Variants in BSN observed in about 807,000 individuals in gnomAD.
BSN encodes the protein bassoon presynaptic cytomatrix protein.
BSN carries 57 observed loss-of-function variants against 264.8 expected under a neutral mutation model. That is an observed-to-expected ratio of 0.22 (90% CI 0.17 to 0.27). BSN has a LOEUF of 0.27. Among genes scored for constraint, BSN ranks in the 10% least tolerant of loss-of-function variants. The pLI is 1.00. For missense variants in BSN, 4,615 were observed against 5,232.5 expected (o/e 0.88, Z 3.64); for synonymous variants, 2,059 against 2,137.3 (o/e 0.96, Z 1.01).
intron 5 of BSN, among the ~76,000 whole-genome samples, chr3:49,659,427 C>T (rs768458960): frequency 6.6e-6 from 1 of 151,976 alleles, no homozygotes; most frequent in Admixed American, 6.6e-5. Context: ...AAAGGCCCAC[C>T]CTGAAATTTT....
At chr3:49,570,953 G>A (rs1472110087) in intron 1 of BSN, among the ~76,000 whole-genome samples, 1 of 152,194 alleles carries the variant, frequency 6.6e-6, no homozygotes, top group Non-Finnish European at 1.5e-5. Flanking sequence ...GAAATGGAGT[G>A]GAAGTGACCC....
At chr3:49,578,254 G>A (rs1303488060) in intron 1 of BSN, among the ~76,000 whole-genome samples, 1 of 152,126 alleles carries the variant, frequency 6.6e-6, no homozygotes, top group Non-Finnish European at 1.5e-5. Context: ...AGCCTCCCAA[G>A]TAACTGGGAT....
chr3:49,646,694 C>T (rs373026561), intron 3 of BSN, among the ~76,000 whole-genome samples: 11 of 152,340 alleles, frequency 7.2e-5, no homozygotes, highest in East Asian at 1.9e-4. Context: ...AGAAAGGAAG[C>T]GTCCCCATGA....
intron 1 of BSN, among the ~76,000 whole-genome samples, chr3:49,569,373 C>T (rs773945580): frequency 4.6e-5 from 7 of 152,126 alleles, no homozygotes; most frequent in Non-Finnish European, 1.0e-4. Flanking sequence ...TTCAATTAAA[C>T]AAATATTTAC....
rs764599714 is a variant in BSN, at chr3:49,656,915, G to A, written c.7359G>A (p.Glu2453=). ...EQLAQQRLQL[E]QIQQLQQQLQ... ...TAGCGCAGCAGCGTCTGCAGCTGGA[G>A]CAGATCCAGCAGCTGCAGCAGCAGC... Residue 2453 remains glutamate (E), a synonymous_variant, in exon 5 of 12, where the codon GAG becomes GAA. Transcript: ENST00000296452. The A allele has an allele frequency of 1.1e-5, 18 of 1,598,082 alleles. No individual in the cohort carries two copies. The highest frequency in any genetic ancestry group is 1.0e-5 in the Non-Finnish European group (12 of 1,171,536).
At chr3:49,606,240 T>TATTAAAA (rs1287626014) in intron 1 of BSN, among the ~76,000 whole-genome samples, 5 of 60,140 alleles carry the variant, frequency 8.3e-5, no homozygotes, top group African/African-American at 2.8e-4. Context: ...ATATTATATA[T>TATTAAAA]GTATATATTA....
Position 49,585,547 on chromosome 3 carries a change from C to T in BSN, c.224+30721C>T, listed in dbSNP as rs1370580557. On this transcript the variant is annotated intron_variant, in intron 1 of 11. Transcript: ENST00000296452. This position sits in a 1 kb window ranked among gnomAD's most constrained non-coding sequence, Gnocchi z 4.7. The stretch of plus-strand genomic sequence containing the variant: ...TGCACTGGCCACACATCCTTGCCTC[C>T]TCCACCCGGTCCGCCGCCGGTTTCC... Among the ~76,000 whole-genome samples, 3 of 152,360 alleles carry T rather than the reference C, an allele frequency of 2.0e-5. No homozygotes were observed. In the East Asian group the frequency reaches 5.8e-4, roughly 29 times the overall value.
In BSN at chr3:49,642,074, G is replaced by C. The variant is rs573323775; in HGVS notation, c.634-194G>C. Among the ~76,000 whole-genome samples the C allele has an allele frequency of 1.3e-5, 2 of 152,258 alleles. No homozygotes were observed. Among genetic ancestry groups the C allele is most frequent in the East Asian group, 3.9e-4 (2 of 5,176 alleles). On this transcript the variant is annotated intron_variant, in intron 2 of 11. Transcript: ENST00000296452. The surrounding 1 kb of genome is among the most constrained non-coding windows in gnomAD (Gnocchi z 7.0). ...CTGCCTCCACTGCCTCACATGCCTG[G>C]CAACTCCTAGAGGGCAGGGGAGTGC...
At position 49,655,893 on chromosome 3, in the gene BSN, G is replaced by A; in HGVS notation, c.6337G>A (p.Gly2113Arg). The stretch of plus-strand genomic sequence containing the variant: ...CCTCAACTCCATGGACCAGTATGGT[G>A]GGCGGCATGGCAGTGGTGGTGGTGG... ...AALNSMDQYGGRHGSGGGGPD... is the reference protein window; with the variant it reads ...AALNSMDQYGRRHGSGGGGPD... Residue 2113 changes from glycine (G) to arginine (R), a missense_variant, in exon 5 of 12, where the codon GGG becomes AGG. Physicochemically the swap from Gly to Arg is moderately radical, Grantham distance 125 (BLOSUM62 -2). This residue lies in a region of BSN where 3,415 missense variants were observed against 3,866.4 expected (regional missense o/e 0.88). Transcript: ENST00000296452. 6.2e-7 allele frequency: 1 copy of A among 1,612,666 alleles called. No homozygotes were observed.
intron 1 of BSN, among the ~76,000 whole-genome samples, chr3:49,580,720 A>C (rs2051890046): frequency 6.6e-6 from 1 of 152,070 alleles, no homozygotes; most frequent in Non-Finnish European, 1.5e-5. Context: ...CTGCCTCCCA[A>C]AGTGCTGGGA....
intron 1 of BSN, among the ~76,000 whole-genome samples, chr3:49,579,406 ATT>A (rs746381369): frequency 2.1e-5 from 3 of 142,530 alleles, no homozygotes; most frequent in Non-Finnish European, 4.6e-5. Context: ...GCGCTTTACA[ATT>A]TTTTTTTTTT....
At chr3:49,575,451 T>C (rs2051837175) in intron 1 of BSN, among the ~76,000 whole-genome samples, 1 of 147,912 alleles carries the variant, frequency 6.8e-6, no homozygotes, top group Admixed American at 6.8e-5. Context: ...TATATGTGTG[T>C]ATATATGTAA....
rs1410110650 is a variant in BSN, at chr3:49,652,481, C to T, written c.2925C>T (p.Ser975=). The T allele has an allele frequency of 6.2e-7, 1 of 1,613,772 alleles. No homozygotes were observed. Among genetic ancestry groups the T allele is most frequent in the Middle Eastern group, 1.6e-4 (1 of 6,062 alleles). The change falls in exon 5 of 12, where the codon TCC becomes TCT. Residue 975 remains serine, a synonymous_variant. Transcript: ENST00000296452. ...TAACGGGCTCCCCTGAGGACCGCTC[C>T]CGTGGTGAGCACTCCTCTACATTGC... ...ESLTGSPEDR[S]RGEHSSTLPA... is the part of the protein sequence containing the mutation.
At position 49,655,789 on chromosome 3, in the gene BSN, A is replaced by G; in HGVS notation, c.6233A>G (p.Asp2078Gly). The change falls in exon 5 of 12, where the codon GAT becomes GGT. Residue 2078 changes from aspartate (D) to glycine (G), a missense_variant. Physicochemically the swap from Asp to Gly is moderately conservative, Grantham distance 94. This residue lies in a region of BSN where 3,415 missense variants were observed against 3,866.4 expected (regional missense o/e 0.88). Transcript: ENST00000296452. ...YSDHRYGPRG[D>G]AVGFQEASLA... Reference sequence around the variant, plus strand: ...GACCACAGGTACGGCCCACGGGGAGATGCAGTTGGCTTCCAGGAGGCCAGC... The same window carrying G: ...GACCACAGGTACGGCCCACGGGGAGGTGCAGTTGGCTTCCAGGAGGCCAGC... 6.2e-7 allele frequency: 1 copy of G among 1,613,400 alleles called. No individual in the cohort carries two copies.
At chr3:49,600,269 G>A (rs917554280) in intron 1 of BSN, among the ~76,000 whole-genome samples, 2 of 152,142 alleles carry the variant, frequency 1.3e-5, no homozygotes, top group Non-Finnish European at 2.9e-5. Flanking sequence ...GCAGAGGAAT[G>A]GGGGAGTGTT....
chr3:49,596,220 C>T (rs141187655), intron 1 of BSN, among the ~76,000 whole-genome samples: 14 of 152,098 alleles, frequency 9.2e-5, no homozygotes, highest in East Asian at 1.9e-4. Flanking sequence ...CTGGCTAACA[C>T]GGTGAAACCC....
rs2052548107 is a variant in BSN at position 49,652,190 on chromosome 3, CCCCAGA to C, written c.2640_2645del (p.Arg882_Pro883del). ...CCAAACATGGCACCCAGAAAGGTGGCCCCAGACCCAGGCCTGAGCCTAGCCAAGAAC... is the reference window on the plus strand; with the variant it reads ...CCAAACATGGCACCCAGAAAGGTGGCCCCAGGCCTGAGCCTAGCCAAGAAC... On this transcript the variant is annotated inframe_deletion, in exon 5 of 12. Coordinates refer to ENST00000296452, the MANE Select transcript of BSN (RefSeq NM_003458.4). The C allele has an allele frequency of 6.2e-7, 1 of 1,613,676 alleles. No individual in the cohort carries two copies. The highest frequency in any genetic ancestry group is 8.5e-7 in the Non-Finnish European group (1 of 1,179,896).
Position 49,656,089 on chromosome 3 carries a change from G to A in BSN, c.6533G>A (p.Arg2178Lys), listed in dbSNP as rs1445376543. 1 of 1,611,808 alleles carries A rather than the reference G, an allele frequency of 6.2e-7. No individual in the cohort carries two copies. The highest frequency in any genetic ancestry group is 2.2e-5 in the East Asian group (1 of 44,880). The change falls in exon 5 of 12, where the codon AGA becomes AAA. Residue 2178 changes from arginine (R) to lysine (K), a missense_variant. Coordinates refer to ENST00000296452, the MANE Select transcript of BSN (RefSeq NM_003458.4). ...GPAAGQGTAV[R>K]QLLPSTATVR... is the part of the protein sequence containing the mutation. ...GCAGCAGGCCAAGGAACAGCAGTCA[G>A]ACAGCTGCTGCCGTCCACAGCCACT... is the stretch of plus-strand genomic sequence containing the variant.
rs1222361817 is a variant in BSN, at chr3:49,653,721, T to C, written c.4165T>C (p.Cys1389Arg). The change falls in exon 5 of 12, where the codon TGT becomes CGT. Residue 1389 changes from cysteine (C) to arginine (R), a missense_variant. Around this residue, in one of 3 missense-constraint regions of BSN, gnomAD observed 3,415 missense variants for 3,866.4 expected, o/e 0.88. Transcript: ENST00000296452. The surrounding 1 kb of genome is among the most constrained non-coding windows in gnomAD (Gnocchi z 6.3). ...GTPATTAVAP[C>R]PAGLPRGYMT... is the part of the protein sequence containing the mutation. The stretch of plus-strand genomic sequence containing the variant: ...CCCAGCCACCACAGCTGTGGCTCCT[T>C]GTCCAGCTGGGCTGCCACGAGGATA... 55 of 1,613,826 alleles carry C rather than the reference T, an allele frequency of 3.4e-5. No individual in the cohort carries two copies. The highest frequency in any genetic ancestry group is 1.6e-4 in the Middle Eastern group (1 of 6,084).
Sources: allele counts gnomAD v4.1 joint callset (sites outside exome capture counted in the v4.1 genomes callset), GRCh38; gene constraint gnomAD v4.1.1; regional missense constraint gnomAD v4.1.1; non-coding constraint Gnocchi (gnomAD v3.1); transcripts MANE v1.5; gene names NCBI Gene and HGNC (gene_info 2026-07-23, HGNC 2026-07-21).